Variants in TUSC3 observed in about 807,000 individuals in gnomAD.
TUSC3 encodes dolichyl-diphosphooligosaccharide--protein glycosyltransferase subunit TUSC3.
TUSC3 carries 45 observed loss-of-function variants against 44.8 expected under a neutral mutation model. The observed-to-expected ratio is 1.00, with a 90% CI of 0.79 to 1.29. The LOEUF (loss-of-function observed/expected upper bound fraction) is 1.29. Ranked by LOEUF, TUSC3 falls within the 50% of genes most tolerant of loss-of-function variation. The pLI is 0.00. For missense variants in TUSC3, 519 were observed against 437.9 expected (o/e 1.19, Z -1.65); for synonymous variants, 212 against 152.9 (o/e 1.39, Z -2.85).
chr8:15,465,314 A>G (rs913856566), intron 1 of TUSC3, among the ~76,000 whole-genome samples: 2 of 152,212 alleles, frequency 1.3e-5, no homozygotes, highest in African/African-American at 2.4e-5. Flanking sequence ...TGCCATGTGG[A>G]AAACAGCAGG....
At chr8:15,467,005 C>G (rs145061598) in intron 1 of TUSC3, among the ~76,000 whole-genome samples, 3 of 152,098 alleles carry the variant, frequency 2.0e-5, no homozygotes, top group Non-Finnish European at 4.4e-5. Context: ...TGTCATTTCA[C>G]TGATATTTGA....
intron 4 of TUSC3, among the ~76,000 whole-genome samples, chr8:15,660,304 C>G (rs1249364381): frequency 6.6e-6 from 1 of 151,650 alleles, no homozygotes; most frequent in Non-Finnish European, 1.5e-5. Context: ...GAATATTTTA[C>G]CTAGAATGAA....
At chr8:15,725,125 G>A (rs1029996748) in intron 6 of TUSC3, among the ~76,000 whole-genome samples, 3 of 152,050 alleles carry the variant, frequency 2.0e-5, no homozygotes, top group African/African-American at 7.2e-5. Flanking sequence ...AATTTCATGG[G>A]ATTGATGGAA....
chr8:15,662,627 T>G (rs983662178), intron 5 of TUSC3, among the ~76,000 whole-genome samples: 2 of 152,016 alleles, frequency 1.3e-5, no homozygotes, highest in African/African-American at 4.8e-5. Context: ...CAGCTATTTC[T>G]GAATTTCTCA....
intron 6 of TUSC3, among the ~76,000 whole-genome samples, chr8:15,692,380 T>TG (rs1808951731): frequency 7.4e-6 from 1 of 135,376 alleles, no homozygotes; most frequent in Non-Finnish European, 1.6e-5. Flanking sequence ...CCTTTGTTTT[T>TG]TTTTTTTTTT....
chr8:15,519,412 C>A (rs937159158), intron 2 of TUSC3, among the ~76,000 whole-genome samples: 3 of 152,058 alleles, frequency 2.0e-5, no homozygotes, highest in Non-Finnish European at 4.4e-5. Flanking sequence ...TCACTTGAAG[C>A]TGTAACAGAT....
chr8:15,628,535 G>C (rs547792339), intron 2 of TUSC3, among the ~76,000 whole-genome samples: 1 of 152,264 alleles, frequency 6.6e-6, no homozygotes, highest in South Asian at 2.1e-4. Flanking sequence ...AAAATTTAAT[G>C]GGTCAGTGTC....
chr8:15,836,102 T>G, the TUSC3 span, among the ~76,000 whole-genome samples: 2 of 152,022 alleles, frequency 1.3e-5, no homozygotes, highest in Non-Finnish European at 2.9e-5. Context: ...TTGCATTTGC[T>G]TCATTTATTC....
intron 2 of TUSC3, among the ~76,000 whole-genome samples, chr8:15,624,403 A>G (rs1805397091): frequency 6.6e-6 from 1 of 152,222 alleles, no homozygotes; most frequent in Admixed American, 6.5e-5. Context: ...AATGTTTTCT[A>G]GAATGGCTGT....
chr8:15,689,326 A>G (rs1488266765), intron 6 of TUSC3: 3 of 273,708 alleles, frequency 1.1e-5, no homozygotes, highest in African/African-American at 2.3e-5. Context: ...CACCATCATC[A>G]CTCCGTCAAC....
intron 1 of TUSC3, among the ~76,000 whole-genome samples, chr8:15,551,401 G>A (rs925389915): frequency 6.6e-6 from 1 of 151,628 alleles, no homozygotes; most frequent in African/African-American, 2.4e-5. Flanking sequence ...GCTTTGATTT[G>A]ATTAAAACTT....
chr8:15,829,166 C>A, the TUSC3 span, among the ~76,000 whole-genome samples: 1 of 152,042 alleles, frequency 6.6e-6, no homozygotes, highest in South Asian at 2.1e-4. Context: ...GTATGTACTG[C>A]AACTTATTTA....
At chr8:15,650,294 T>A (rs188957798) in intron 2 of TUSC3, among the ~76,000 whole-genome samples, 1 of 152,350 alleles carries the variant, frequency 6.6e-6, no homozygotes, top group East Asian at 1.9e-4. Context: ...TACTAAACAT[T>A]ATTGGAATAT....
chr8:15,652,647 G>A (rs1024543342), intron 3 of TUSC3, among the ~76,000 whole-genome samples: 3 of 152,098 alleles, frequency 2.0e-5, no homozygotes, highest in African/African-American at 7.2e-5. Context: ...GAAAATTAGA[G>A]TACTGTAAGA....
intron 1 of TUSC3, among the ~76,000 whole-genome samples, chr8:15,603,835 T>C (rs1256821578): frequency 1.3e-5 from 2 of 151,656 alleles, no homozygotes; most frequent in African/African-American, 2.4e-5. Context: ...TTTTACAGAC[T>C]TATGTAAATG....
chr8:15,455,381 A>G (rs1800240636), intron 1 of TUSC3, among the ~76,000 whole-genome samples: 1 of 152,092 alleles, frequency 6.6e-6, no homozygotes, highest in Non-Finnish European at 1.5e-5. Flanking sequence ...ATATGTATGT[A>G]TATGTGTGTG....
At chr8:15,588,071 TACTC>T (rs992996139) in intron 1 of TUSC3, among the ~76,000 whole-genome samples, 6 of 152,160 alleles carry the variant, frequency 3.9e-5, no homozygotes, top group African/African-American at 1.4e-4. Flanking sequence ...TTTGGATAAA[TACTC>T]AGTAGTGGGA....
chr8:15,711,839 A>T (rs188543569), intron 6 of TUSC3, among the ~76,000 whole-genome samples: 77 of 152,008 alleles, frequency 5.1e-4, no homozygotes, highest in Admixed American at 4.2e-3. Flanking sequence ...CTATAGTTTC[A>T]GAGTATATTT....
At chr8:15,840,273 T>G in the TUSC3 span, among the ~76,000 whole-genome samples, 1 of 152,150 alleles carries the variant, frequency 6.6e-6, no homozygotes, top group African/African-American at 2.4e-5. Flanking sequence ...ACATGCCTAA[T>G]GTAAGTGATG....
Sources: allele counts gnomAD v4.1 joint callset (sites outside exome capture counted in the v4.1 genomes callset), GRCh38; gene constraint gnomAD v4.1.1; transcripts MANE v1.5; gene names NCBI Gene and HGNC (gene_info 2026-07-23, HGNC 2026-07-21).